NT5C2: variants seen among roughly 807,000 people sequenced by gnomAD.
NT5C2 encodes cytosolic purine 5'-nucleotidase.
NT5C2 carries 58 observed loss-of-function variants against 76.1 expected under a neutral mutation model. The ratio of observed to expected loss-of-function variants is 0.76; its 90% CI spans 0.62 to 0.95. The LOEUF is 0.95. NT5C2 is among the 40% of genes least tolerant of loss of function. The pLI is 0.00. For synonymous variants in NT5C2, 229 were observed against 237.4 expected (o/e 0.96, Z 0.32); for missense variants, 478 against 690.3 (o/e 0.69, Z 3.45).
At chr10:103,123,230 C>G (rs1316266418) in intron 4 of NT5C2, among the ~76,000 whole-genome samples, 1 of 152,144 alleles carries the variant, frequency 6.6e-6, no homozygotes, top group African/African-American at 2.4e-5. Flanking sequence ...TAACACCATC[C>G]TCCTCCCTCT....
intron 3 of NT5C2, among the ~76,000 whole-genome samples, chr10:103,145,870 A>T (rs2133425960): frequency 6.6e-6 from 1 of 152,320 alleles, no homozygotes; most frequent in Non-Finnish European, 1.5e-5. Context: ...ATCCAAGTAA[A>T]TATAAATATT....
chr10:103,180,510 T>C (rs966560436), intron 2 of NT5C2, among the ~76,000 whole-genome samples: 5 of 152,168 alleles, frequency 3.3e-5, no homozygotes, highest in Non-Finnish European at 5.9e-5. Context: ...GATGGGTGGA[T>C]TGCTTGAACC....
At chr10:103,183,432 C>T (rs2091558145) in intron 1 of NT5C2, among the ~76,000 whole-genome samples, 1 of 147,192 alleles carries the variant, frequency 6.8e-6, no homozygotes, top group Non-Finnish European at 1.5e-5. Flanking sequence ...AAATTCCTGC[C>T]CCAAATCCCT....
intron 4 of NT5C2, chr10:103,125,214 T>G (rs1372221126): frequency 1.8e-5 from 14 of 770,750 alleles, no homozygotes; most frequent in South Asian, 1.5e-4. Flanking sequence ...AGCCTGCCTG[T>G]GAGGTTCACT....
intron 4 of NT5C2, among the ~76,000 whole-genome samples, chr10:103,111,402 C>T (rs1022652802): frequency 3.3e-5 from 5 of 152,110 alleles, no homozygotes; most frequent in South Asian, 2.1e-4. Context: ...AAACAACCAA[C>T]GCTTTGAAAG....
chr10:103,123,945 A>G (rs1036654874), intron 4 of NT5C2, among the ~76,000 whole-genome samples: 14 of 152,202 alleles, frequency 9.2e-5, no homozygotes, highest in African/African-American at 3.4e-4. Flanking sequence ...GAGTCACTCT[A>G]TATTTGTGAA....
At chr10:103,145,971 T>C (rs2081405448) in intron 3 of NT5C2, 4 of 764,542 alleles carry the variant, frequency 5.2e-6, no homozygotes, top group South Asian at 1.2e-4. Flanking sequence ...TTTATTAAAT[T>C]TGAAATTTTG....
chr10:103,147,690 C>T (rs1299358874), intron 3 of NT5C2, among the ~76,000 whole-genome samples: 1 of 152,060 alleles, frequency 6.6e-6, no homozygotes, highest in Non-Finnish European at 1.5e-5. Flanking sequence ...AACTTTGAGA[C>T]CAGGATTTAT....
chr10:103,172,986 C>A (rs2088639780), intron 3 of NT5C2, among the ~76,000 whole-genome samples: 1 of 152,084 alleles, frequency 6.6e-6, no homozygotes, highest in African/African-American at 2.4e-5. Context: ...TCAGCCTTGG[C>A]AACAGAACGA....
chr10:103,189,016 A>T (rs1426005681), intron 1 of NT5C2, among the ~76,000 whole-genome samples: 1 of 146,334 alleles, frequency 6.8e-6, no homozygotes, highest in Non-Finnish European at 1.5e-5. Flanking sequence ...AAAAAAAAAG[A>T]GTGTGGGATG....
In NT5C2 at chr10:103,091,623, AG is replaced by A. The variant is rs1260093425; in HGVS notation, c.1160-9del. 2 of 1,611,112 alleles carry A rather than the reference AG, an allele frequency of 1.2e-6. No homozygotes were observed. The highest frequency in any genetic ancestry group is 2.7e-5 in the African/African-American group (2 of 74,964). ...GAAGTTCTTCGAAAAGTGCTAGTTA[AG>A]GTTTGGAAGGAAAAGGAAGACATTT... On this transcript the variant is annotated splice_polypyrimidine_tract_variant and intron_variant, in intron 15 of 18. Transcript: ENST00000404739.
At chr10:103,137,880 G>A (rs1384988380) in intron 4 of NT5C2, among the ~76,000 whole-genome samples, 1 of 152,234 alleles carries the variant, frequency 6.6e-6, no homozygotes, top group Non-Finnish European at 1.5e-5. Context: ...CAGTGCTGGT[G>A]TTTAAGGGCT....
At chr10:103,162,475 A>T (rs945533684) in intron 3 of NT5C2, among the ~76,000 whole-genome samples, 6 of 152,228 alleles carry the variant, frequency 3.9e-5, no homozygotes, top group Admixed American at 6.5e-5. Flanking sequence ...CTATTTATTC[A>T]TCAGAAAAAT....
intron 1 of NT5C2, among the ~76,000 whole-genome samples, chr10:103,193,012 CG>C (rs1328483677): frequency 6.7e-6 from 1 of 149,576 alleles, no homozygotes; most frequent in Non-Finnish European, 1.5e-5. Flanking sequence ...TGCCGTGGGG[CG>C]GGGGCCGCAC....
chr10:103,139,493 T>C lies in NT5C2; in HGVS notation c.102-14A>G. On this transcript the variant is annotated splice_polypyrimidine_tract_variant and intron_variant, in intron 3 of 18. Transcript: ENST00000404739. Reference sequence around the variant, plus strand: ...TTCACAAACACCCTATAGAAAATAATAAAAAATAATATCTCAACACTGGAA... The same window carrying C: ...TTCACAAACACCCTATAGAAAATAACAAAAAATAATATCTCAACACTGGAA... 6.8e-7 allele frequency: 1 copy of C among 1,475,530 alleles called. No homozygotes were observed. The highest frequency in any genetic ancestry group is 9.3e-7 in the Non-Finnish European group (1 of 1,080,350). 91.4% of individuals were successfully genotyped at this position (1,475,530 alleles called of 1,614,324 possible). A position where few individuals can be genotyped will look rare whatever the true frequency, so the allele number is the denominator to read the frequency against.
chr10:103,101,533 A>T (rs1278183386), intron 6 of NT5C2, among the ~76,000 whole-genome samples: 3 of 146,656 alleles, frequency 2.0e-5, no homozygotes, highest in African/African-American at 7.6e-5. Flanking sequence ...TTTTTTTAAG[A>T]CAGTCTTGCT....
intron 3 of NT5C2, among the ~76,000 whole-genome samples, chr10:103,166,608 AAAAC>A (rs138596638): frequency 0.11 from 17,041 of 152,134 alleles, 1,198 homozygotes; most frequent in East Asian, 0.21. Context: ...AGAATGATAA[AAAAC>A]AAACAAACAA....
chr10:103,145,582 G>A (rs558960639), intron 3 of NT5C2, among the ~76,000 whole-genome samples: 2 of 152,130 alleles, frequency 1.3e-5, no homozygotes, highest in South Asian at 2.1e-4. Context: ...TGAACATATC[G>A]GAGAAATTAA....
At chr10:103,114,710 T>C (rs557104669) in intron 4 of NT5C2, among the ~76,000 whole-genome samples, 2 of 152,210 alleles carry the variant, frequency 1.3e-5, no homozygotes, top group Non-Finnish European at 2.9e-5. Context: ...TTCTGGGTAA[T>C]ACTGTCAGTC....
Sources: allele counts gnomAD v4.1 joint callset (sites outside exome capture counted in the v4.1 genomes callset), GRCh38; gene constraint gnomAD v4.1.1; transcripts MANE v1.5; gene names NCBI Gene and HGNC (gene_info 2026-07-23, HGNC 2026-07-21).